Variants in SDK1 observed in about 807,000 individuals in gnomAD.
The protein encoded by SDK1 is sidekick cell adhesion molecule 1.
In SDK1, 157 loss-of-function variants were observed where a neutral mutation model predicts 245.5. That is an observed-to-expected ratio of 0.64 (90% CI 0.56 to 0.73). The LOEUF (loss-of-function observed/expected upper bound fraction) is 0.73. SDK1 is among the 30% of genes least tolerant of loss of function. SDK1 has a pLI of 0.00. For synonymous variants in SDK1, 1,647 were observed against 1,278.5 expected (o/e 1.29, Z -6.15); for missense variants, 3,583 against 3,002.3 (o/e 1.19, Z -4.52).
intron 1 of SDK1, among the ~76,000 whole-genome samples, chr7:3,369,886 G>T (rs1423597319): frequency 6.6e-6 from 1 of 152,186 alleles, no homozygotes; most frequent in Non-Finnish European, 1.5e-5. Context: ...TTTCAGGGCA[G>T]CACCTAGCCA....
chr7:4,217,463 ACCACCCGGAGCACCAGG>A (rs1784886512), intron 38 of SDK1, among the ~76,000 whole-genome samples: 1 of 72,284 alleles, frequency 1.4e-5, no homozygotes, highest in Non-Finnish European at 2.6e-5. Flanking sequence ...GGAGCACCAC[ACCACCCGGAGCACCAGG>A]CCACCCGGAG....
intron 1 of SDK1, among the ~76,000 whole-genome samples, chr7:3,492,638 G>T (rs1018021072): frequency 1.3e-5 from 2 of 152,220 alleles, no homozygotes; most frequent in Non-Finnish European, 2.9e-5. Context: ...ACTTGGTCCT[G>T]TATCTCCACA....
At chr7:4,264,388 T>C (rs78826359) in intron 44 of SDK1, among the ~76,000 whole-genome samples, 2,667 of 54,458 alleles carry the variant, frequency 0.049, 113 homozygotes, top group African/African-American at 0.11. Context: ...AGGGAGGCCG[T>C]GTGGACCTCT....
At chr7:3,834,901 G>A (rs556294408) in intron 5 of SDK1, among the ~76,000 whole-genome samples, 16 of 152,194 alleles carry the variant, frequency 1.1e-4, no homozygotes, top group Admixed American at 2.6e-4. Flanking sequence ...TGAGGATGCT[G>A]CTCACCGGCT....
chr7:3,493,076 C>G lies in SDK1; in HGVS notation c.299-126004C>G, dbSNP rs565189860. Among the ~76,000 whole-genome samples the G allele has an allele frequency of 2.6e-4, 40 of 152,164 alleles. No individual in the cohort carries two copies. The East Asian group carries it at 6.8e-3, about 26-fold the overall frequency. On this transcript the variant is annotated intron_variant, in intron 1 of 44. Coordinates refer to ENST00000404826, the MANE Select transcript of SDK1 (RefSeq NM_152744.4). ...CACCATTCTCCTGCCTCAGCCTCCCCAGTAGCTGGGACTACAGGTGCCCGC... is the reference window on the plus strand; with the variant it reads ...CACCATTCTCCTGCCTCAGCCTCCCGAGTAGCTGGGACTACAGGTGCCCGC...
At chr7:3,427,133 C>A (rs367941906) in intron 1 of SDK1, among the ~76,000 whole-genome samples, 2 of 152,106 alleles carry the variant, frequency 1.3e-5, no homozygotes. Flanking sequence ...ATTCCCATGA[C>A]CTTTGAATGT....
chr7:3,569,739 C>G (rs910402433), intron 1 of SDK1, among the ~76,000 whole-genome samples: 44 of 152,126 alleles, frequency 2.9e-4, no homozygotes, highest in African/African-American at 1.0e-3. Context: ...TTTTTTAAGG[C>G]TCATCTTACT....
chr7:3,666,966 C>CT (rs925465815), intron 4 of SDK1, among the ~76,000 whole-genome samples: 31 of 151,174 alleles, frequency 2.1e-4, no homozygotes, highest in Non-Finnish European at 3.2e-4. Flanking sequence ...TTTTTATTTA[C>CT]TTTTTTTTTA....
chr7:4,041,012 G>A (rs1340673027), intron 17 of SDK1, among the ~76,000 whole-genome samples: 1 of 152,218 alleles, frequency 6.6e-6, no homozygotes, highest in East Asian at 1.9e-4. Context: ...TGTTAAAAGG[G>A]AAGCCTTGCC....
At chr7:3,606,534 A>T (rs1781431578) in intron 1 of SDK1, among the ~76,000 whole-genome samples, 1 of 152,142 alleles carries the variant, frequency 6.6e-6, no homozygotes, top group Non-Finnish European at 1.5e-5. Context: ...CCCCGCACTC[A>T]CTGCACTTCA....
At chr7:3,805,278 G>C (rs923767705) in intron 4 of SDK1, among the ~76,000 whole-genome samples, 1 of 152,130 alleles carries the variant, frequency 6.6e-6, no homozygotes, top group South Asian at 2.1e-4. Flanking sequence ...TGTTACTGTT[G>C]CTTTGTAGAT....
At chr7:3,753,080 C>G (rs1247901666) in intron 4 of SDK1, among the ~76,000 whole-genome samples, 5 of 152,128 alleles carry the variant, frequency 3.3e-5, no homozygotes, top group Non-Finnish European at 7.3e-5. Flanking sequence ...ACTGCCATCA[C>G]ATCACTAAGA....
chr7:4,209,507 C>T (rs868001667), intron 37 of SDK1, among the ~76,000 whole-genome samples: 8 of 152,314 alleles, frequency 5.3e-5, no homozygotes, highest in Middle Eastern at 6.8e-3. Context: ...GCTCCCTCCC[C>T]GCTCCAGACC....
intron 13 of SDK1, among the ~76,000 whole-genome samples, chr7:3,979,264 C>T (rs1159306351): frequency 6.6e-6 from 1 of 152,178 alleles, no homozygotes; most frequent in Non-Finnish European, 1.5e-5. Context: ...GTTGTGGAAG[C>T]CAGTTGGGGA....
In SDK1 at chr7:3,347,176, T is replaced by A. The variant is rs547313766; in HGVS notation, c.298+45292T>A. Among the ~76,000 whole-genome samples, 7 of 152,022 alleles carry A rather than the reference T, an allele frequency of 4.6e-5. No homozygotes were observed. The East Asian group carries it at 1.4e-3, about 30-fold the overall frequency. On this transcript the variant is annotated intron_variant, in intron 1 of 44. Transcript: ENST00000404826. ...TTAGCCGGTTAAGTGGAGTTGTACT[T>A]GATGCCACTTCTTCCAAGAACTCTT...
At chr7:4,018,395 C>G (rs1244644564) in intron 17 of SDK1, among the ~76,000 whole-genome samples, 3 of 152,142 alleles carry the variant, frequency 2.0e-5, no homozygotes, top group Non-Finnish European at 2.9e-5. Context: ...CATAAATCCT[C>G]CTTTATAAAT....
intron 14 of SDK1, among the ~76,000 whole-genome samples, chr7:4,003,373 T>A (rs1437740319): frequency 6.6e-6 from 1 of 152,242 alleles, no homozygotes; most frequent in Non-Finnish European, 1.5e-5. Flanking sequence ...CAGCTTCCCC[T>A]GTGACACTAG....
intron 35 of SDK1, among the ~76,000 whole-genome samples, chr7:4,181,808 G>A (rs1782618396): frequency 6.6e-6 from 1 of 152,246 alleles, no homozygotes; most frequent in Non-Finnish European, 1.5e-5. Flanking sequence ...AGAGCTCGAA[G>A]GCGGGTGCTG....
intron 6 of SDK1, among the ~76,000 whole-genome samples, chr7:3,951,399 C>T (rs144438419): frequency 3.3e-5 from 5 of 152,260 alleles, no homozygotes; most frequent in African/African-American, 1.2e-4. Context: ...GAATCAAGCT[C>T]GGATGATCCC....
Sources: gnomAD v4.1 joint callset for allele counts (sites outside exome capture counted in the v4.1 genomes callset) on GRCh38, gnomAD v4.1.1 for gene constraint, MANE v1.5 for transcripts, NCBI Gene and HGNC (gene_info 2026-07-23, HGNC 2026-07-21) for gene names.